The following GPR149 variants were observed in gnomAD, a reference collection of about 807,000 sequenced individuals.
The protein encoded by GPR149 is G protein-coupled receptor 149.
A neutral mutation model predicts 50.2 loss-of-function variants in GPR149; 50 were observed. The ratio of observed to expected loss-of-function variants is 1.00; its 90% CI spans 0.79 to 1.26. The LOEUF (loss-of-function observed/expected upper bound fraction) is 1.26. Among genes scored for constraint, GPR149 ranks in the 50% most tolerant of loss-of-function variants. The probability of loss-of-function intolerance (pLI) is 0.00; values close to 1 mark genes in which losing one functional copy is unlikely to be tolerated. For missense variants in GPR149, 983 were observed against 895.4 expected (o/e 1.10, Z -1.25); for synonymous variants, 405 against 358.2 (o/e 1.13, Z -1.48).
intron 3 of GPR149, among the ~76,000 whole-genome samples, chr3:154,369,982 T>C (rs911838827): frequency 6.6e-6 from 1 of 152,168 alleles, no homozygotes; most frequent in African/African-American, 2.4e-5. Context: ...GGATACTGAC[T>C]CAGATCATGG....
intron 3 of GPR149, among the ~76,000 whole-genome samples, chr3:154,412,866 C>A (rs1245500778): frequency 6.6e-6 from 1 of 152,026 alleles, no homozygotes; most frequent in Non-Finnish European, 1.5e-5. Context: ...GCAAAGAGAA[C>A]AAATCTGGAG....
At chr3:154,368,874 G>T (rs1044357517) in intron 3 of GPR149, among the ~76,000 whole-genome samples, 1 of 152,208 alleles carries the variant, frequency 6.6e-6, no homozygotes, top group African/African-American at 2.4e-5. Context: ...GCAAGCATCA[G>T]TGGTGCCCCA....
chr3:154,418,301 C>A (rs1712044076), intron 3 of GPR149, among the ~76,000 whole-genome samples: 1 of 102,754 alleles, frequency 9.7e-6, no homozygotes, highest in African/African-American at 4.5e-5. Context: ...TTGACCCAGC[C>A]ATCCCATTAC....
At chr3:154,363,482 GT>G (rs1714461826) in intron 3 of GPR149, among the ~76,000 whole-genome samples, 3 of 152,176 alleles carry the variant, frequency 2.0e-5, no homozygotes, top group Admixed American at 2.0e-4. Flanking sequence ...CAAACACTGT[GT>G]CCTCTCATAG....
intron 3 of GPR149, chr3:154,354,029 C>T (rs1388117577): frequency 4.5e-6 from 2 of 445,146 alleles, no homozygotes; most frequent in Non-Finnish European, 8.5e-6. Context: ...TTTTCATATT[C>T]ATCAATATTT....
In GPR149 at chr3:154,338,317, G is replaced by T. The variant is rs1449226786; in HGVS notation, c.1624-46C>A. The T allele has an allele frequency of 3.6e-6, 5 of 1,378,584 alleles. No individual in the cohort carries two copies. In the South Asian group the frequency reaches 4.7e-5, roughly 13 times the overall value. The allele number at this position is 1,378,584 out of a possible 1,614,324, so 85.4% of individuals were successfully genotyped here. A position where few individuals can be genotyped will look rare whatever the true frequency, so the allele number is the denominator to read the frequency against. ...GTTATTGTTGAAAGCTAGGTTCTGA[G>T]GTTGAGACATTTAGAAATTCATTTT... is the stretch of plus-strand genomic sequence containing the variant. On this transcript the variant is annotated intron_variant, in intron 3 of 3. Coordinates refer to ENST00000389740, the MANE Select transcript of GPR149 (RefSeq NM_001038705.3).
At chr3:154,344,495 C>T (rs1176304719) in intron 3 of GPR149, among the ~76,000 whole-genome samples, 3 of 152,090 alleles carry the variant, frequency 2.0e-5, no homozygotes, top group East Asian at 1.9e-4. Context: ...CCTCCAAATT[C>T]GTGTCCCCCT....
At chr3:154,341,313 ATATATATATATATATATATATATAT>A (rs1713792084) in intron 3 of GPR149, among the ~76,000 whole-genome samples, 1 of 59,498 alleles carries the variant, frequency 1.7e-5, no homozygotes, top group African/African-American at 6.4e-5. Flanking sequence ...ATATATATAT[ATATATATATATATATATATATATAT>A]ATAAAATGAG....
At chr3:154,368,658 GAT>G (rs1714595941) in intron 3 of GPR149, among the ~76,000 whole-genome samples, 1 of 152,174 alleles carries the variant, frequency 6.6e-6, no homozygotes, top group South Asian at 2.1e-4. Flanking sequence ...TGGGACACAG[GAT>G]ACTGGTACTG....
chr3:154,378,086 C>CT (rs1413117512), intron 3 of GPR149, among the ~76,000 whole-genome samples: 1 of 72,486 alleles, frequency 1.4e-5, no homozygotes, highest in Non-Finnish European at 2.5e-5. Context: ...TATCCCCCCC[C>CT]CCTTTTTTTT....
At position 154,379,100 on chromosome 3, in the gene GPR149, C is replaced by T. The variant is rs1480140679; in HGVS notation, c.1624-40829G>A. The stretch of plus-strand genomic sequence containing the variant: ...CTAAAAATACAAAAAATTAGCCGGG[C>T]GCGGTGGCGGGCGCCTGTAGTCCCA... On this transcript the variant is annotated intron_variant, in intron 3 of 3. Transcript: ENST00000389740. Among the ~76,000 whole-genome samples the T allele has an allele frequency of 5.6e-4, 8 of 14,358 alleles. 4 individuals are homozygous for T. The Admixed American group carries it at 6.8e-3, about 12-fold the overall frequency. 9.4% of individuals were successfully genotyped at this position (14,358 alleles called of 152,430 possible).
chr3:154,345,979 C>T (rs549816615), intron 3 of GPR149, among the ~76,000 whole-genome samples: 1 of 152,266 alleles, frequency 6.6e-6, no homozygotes, highest in East Asian at 1.9e-4. Context: ...GTTAAGTGCT[C>T]TTTCTATTAT....
intron 3 of GPR149, among the ~76,000 whole-genome samples, chr3:154,361,745 C>T (rs1326025501): frequency 6.6e-6 from 1 of 152,024 alleles, no homozygotes; most frequent in African/African-American, 2.4e-5. Flanking sequence ...CCAATAATTC[C>T]CTTTATTATA....
In GPR149 at chr3:154,428,840, G is replaced by A. The variant is rs745749273; in HGVS notation, c.776C>T (p.Pro259Leu). 1.9e-6 allele frequency: 3 copies of A among 1,613,658 alleles called. No homozygotes were observed. In the East Asian group the frequency reaches 6.7e-5, roughly 36 times the overall value. Residue 259 changes from proline (P) to leucine (L), a missense_variant, in exon 1 of 4, where the codon CCG becomes CTG. Pro to Leu is a moderately conservative substitution (Grantham distance 98). Coordinates refer to ENST00000389740, the MANE Select transcript of GPR149 (RefSeq NM_001038705.3). The stretch of plus-strand genomic sequence containing the variant: ...GCATCCCCCAGAGCGCCGCAGACTC[G>A]GGCCTGGAGCATCCTCTGGGGACAG... ...VSLSPEDAPGPSLRRSGGCSP... is the reference protein window; with the variant it reads ...VSLSPEDAPGLSLRRSGGCSP...
At chr3:154,417,104 G>T (rs1386989302) in intron 3 of GPR149, among the ~76,000 whole-genome samples, 2 of 152,026 alleles carry the variant, frequency 1.3e-5, no homozygotes, top group Non-Finnish European at 2.9e-5. Flanking sequence ...GACAAAATGT[G>T]GGGTTCTAGA....
chr3:154,424,572 C>T (rs977561528), intron 2 of GPR149, among the ~76,000 whole-genome samples: 7 of 151,456 alleles, frequency 4.6e-5, no homozygotes, highest in South Asian at 4.2e-4. Context: ...TTTTGTATTT[C>T]GTGTGTGTGT....
chr3:154,392,089 T>C (rs1715184971), intron 3 of GPR149, among the ~76,000 whole-genome samples: 1 of 151,840 alleles, frequency 6.6e-6, no homozygotes, highest in African/African-American at 2.4e-5. Context: ...ATCTCACTTT[T>C]AATAATATAA....
rs765515014 is a variant in GPR149, at chr3:154,428,983, T to C, written c.633A>G (p.Pro211=). 6.2e-7 allele frequency: 1 copy of C among 1,613,458 alleles called. No individual in the cohort carries two copies. The highest frequency in any genetic ancestry group is 8.5e-7 in the Non-Finnish European group (1 of 1,179,888). The stretch of plus-strand genomic sequence containing the variant: ...CCGAACACAGCAATCGGTGAGTGAG[T>C]GGGACTGAGAGGCCCACGAGGAGTC... ...AFGLLVGLSV[P]LTHRLLCSEE... Residue 211 remains proline, a synonymous_variant, in exon 1 of 4, where the codon CCA becomes CCG. Transcript: ENST00000389740.
rs1418327191 is a variant in GPR149 at position 154,337,067 on chromosome 3, T to C, written c.*632A>G. On this transcript the variant is annotated 3_prime_UTR_variant, in exon 4 of 4. Coordinates refer to ENST00000389740, the MANE Select transcript of GPR149 (RefSeq NM_001038705.3). ...TGAAAAGATGAAAGGAAAACTGTTA[T>C]AGGTAAGAAAAAAAGAAAAAACAGT... The C allele has an allele frequency of 3.9e-5, 6 of 152,138 alleles. No homozygotes were observed. The highest frequency in any genetic ancestry group is 1.4e-4 in the African/African-American group (6 of 41,448). 9.4% of individuals were successfully genotyped at this position (152,138 alleles called of 1,614,324 possible).
Sources: allele counts gnomAD v4.1 joint callset (sites outside exome capture counted in the v4.1 genomes callset), GRCh38; gene constraint gnomAD v4.1.1; transcripts MANE v1.5; gene names NCBI Gene and HGNC (gene_info 2026-07-23, HGNC 2026-07-21).